INTS6: variants seen among roughly 807,000 people sequenced by gnomAD.
INTS6 encodes the protein DEAD box protein.
In INTS6, 16 loss-of-function variants were observed where a neutral mutation model predicts 104.9. The ratio of observed to expected loss-of-function variants is 0.15; its 90% CI spans 0.10 to 0.23. The LOEUF (loss-of-function observed/expected upper bound fraction) is 0.23, where lower values mean the gene tolerates loss of function less well. INTS6 is among the 10% of genes least tolerant of loss of function. INTS6 has a pLI of 1.00. For synonymous variants in INTS6, 324 were observed against 358.7 expected (o/e 0.90, Z 1.09); for missense variants, 584 against 1,062.8 (o/e 0.55, Z 6.26).
At chr13:51,342,212 C>T in the INTS6 span, among the ~76,000 whole-genome samples, 2 of 148,790 alleles carry the variant, frequency 1.3e-5, no homozygotes, top group African/African-American at 5.0e-5. Flanking sequence ...AGGCTATGAG[C>T]TCTGCGGCCT....
intron 5 of INTS6, 62 bp from the exon 6 acceptor site, chr13:51,389,506 A>G (rs1263888503): frequency 1.4e-6 from 2 of 1,437,614 alleles, no homozygotes; most frequent in East Asian, 5.1e-5. Flanking sequence ...TAGTTGCAAG[A>G]ATTCCTATCA....
intron 5 of INTS6, among the ~76,000 whole-genome samples, chr13:51,392,493 C>G (rs946825359): frequency 1.3e-5 from 2 of 149,900 alleles, no homozygotes; most frequent in Admixed American, 6.6e-5. Flanking sequence ...TCTATTCCTC[C>G]CTATGTAAGC....
At chr13:51,344,612 A>G in the INTS6 span, 2 of 723,988 alleles carry the variant, frequency 2.8e-6, no homozygotes, top group Non-Finnish European at 4.7e-6. Flanking sequence ...CTGTCCTCTT[A>G]GGAGATCCTA....
At chr13:51,388,161 GTAACAATTAAAATTTTTTT>G (rs761515788) in intron 6 of INTS6, among the ~76,000 whole-genome samples, 52 of 152,042 alleles carry the variant, frequency 3.4e-4, no homozygotes, top group Non-Finnish European at 6.0e-4. Context: ...TAAATACACT[GTAACAATTAAAATTTTTTT>G]AAGTTTGGTT....
intron 4 of INTS6, among the ~76,000 whole-genome samples, chr13:51,418,070 C>T (rs918954616): frequency 5.3e-5 from 8 of 152,118 alleles, no homozygotes; most frequent in Admixed American, 2.0e-4. Flanking sequence ...ACCTTGTAAA[C>T]AATAAAAGTT....
chr13:51,384,792 T>TCA (rs1956110605), intron 7 of INTS6: 1 of 433,086 alleles, frequency 2.3e-6, no homozygotes, highest in African/African-American at 2.0e-5. Context: ...CTGCCTTCTG[T>TCA]CAATACTAAA....
intron 17 of INTS6, 106 bp from the exon 18 acceptor site, chr13:51,365,951 G>A (rs1397768174): frequency 3.5e-6 from 2 of 578,700 alleles, no homozygotes; most frequent in Non-Finnish European, 6.0e-6. Context: ...ATTTTTCAAA[G>A]TGAAATGAAA....
intron 4 of INTS6, among the ~76,000 whole-genome samples, chr13:51,407,404 G>A (rs969876725): frequency 1.3e-5 from 2 of 152,192 alleles, no homozygotes; most frequent in Non-Finnish European, 2.9e-5. Context: ...CAAGTGGTAT[G>A]CTTTAAAATA....
At chr13:51,446,906 G>A (rs1185753978) in intron 3 of INTS6, 4 of 152,134 alleles carry the variant, frequency 2.6e-5, no homozygotes, top group African/African-American at 7.2e-5. Context: ...GGAGTTACTT[G>A]ATATAGAGTT....
At chr13:51,353,518 G>C (rs1050761406), downstream of INTS6, among the ~76,000 whole-genome samples, 4 of 152,168 alleles carry the variant, frequency 2.6e-5, no homozygotes, top group Non-Finnish European at 5.9e-5. Flanking sequence ...CTTGATCCAG[G>C]ATTCAAACTC....
intron 6 of INTS6, among the ~76,000 whole-genome samples, chr13:51,388,123 C>G (rs1473244228): frequency 3.3e-5 from 5 of 152,156 alleles, no homozygotes; most frequent in Non-Finnish European, 5.9e-5. Context: ...GTAACAAACT[C>G]TAAACAAAGC....
chr13:51,345,176 C>T, the INTS6 span, among the ~76,000 whole-genome samples: 5 of 152,288 alleles, frequency 3.3e-5, no homozygotes, highest in African/African-American at 1.2e-4. Flanking sequence ...CTATTACTCT[C>T]CCCATTCTAT....
chr13:51,423,194 A>G (rs767745715), intron 4 of INTS6: 15 of 413,094 alleles, frequency 3.6e-5, no homozygotes, highest in Non-Finnish European at 4.5e-5. Flanking sequence ...TGCTGAATTA[A>G]TTTAAAATAT....
intron 3 of INTS6, chr13:51,440,414 A>C (rs1468903281): frequency 6.6e-6 from 1 of 152,204 alleles, no homozygotes; most frequent in Non-Finnish European, 1.5e-5. Flanking sequence ...ACAGTAAGCT[A>C]AGGTTAATTT....
rs1955638220 is a variant in INTS6, at chr13:51,364,096, T to C, written c.*1656A>G. The C allele has an allele frequency of 4.8e-6, 2 of 412,992 alleles. No homozygotes were observed. Among genetic ancestry groups the C allele is most frequent in the Non-Finnish European group, 8.5e-6 (2 of 235,842 alleles). 25.6% of individuals were successfully genotyped at this position (412,992 alleles called of 1,614,324 possible). A position where few individuals can be genotyped will look rare whatever the true frequency, so the allele number is the denominator to read the frequency against. Reference sequence around the variant, plus strand: ...GTAACTCTCAATGAATTTAGCAATGTGACTACAGGCAATTACCTTAACAAT... The same window carrying C: ...GTAACTCTCAATGAATTTAGCAATGCGACTACAGGCAATTACCTTAACAAT... On this transcript the variant is annotated 3_prime_UTR_variant, in exon 18 of 18. Transcript: ENST00000311234.
intron 3 of INTS6, chr13:51,439,882 TC>T (rs1952761215): frequency 6.6e-6 from 1 of 152,184 alleles, no homozygotes; most frequent in South Asian, 2.1e-4. Context: ...AAAATTCCTA[TC>T]ACCTCCTGAC....
intron 4 of INTS6, among the ~76,000 whole-genome samples, chr13:51,399,803 A>T (rs1475920895): frequency 6.6e-6 from 1 of 152,016 alleles, no homozygotes; most frequent in African/African-American, 2.4e-5. Flanking sequence ...TCATACGCTT[A>T]TTGGCCATTT....
rs1035010578 is a variant in INTS6 at position 51,430,513 on chromosome 13, T to C, written c.340-130A>G. 17 of 569,730 alleles carry C rather than the reference T, an allele frequency of 3.0e-5. No homozygotes were observed. The African/African-American group carries it at 3.0e-4, about 10-fold the overall frequency. The allele number at this position is 569,730 out of a possible 1,614,324, so 35.3% of individuals were successfully genotyped here. A position where few individuals can be genotyped will look rare whatever the true frequency, so the allele number is the denominator to read the frequency against. ...CATTTTACATGTAGTATGTACCTGT[T>C]TGTACATTTTAAGAAAAGATATAGA... On this transcript the variant is annotated intron_variant, in intron 3 of 17. Coordinates refer to ENST00000311234, the MANE Select transcript of INTS6 (RefSeq NM_012141.3).
chr13:51,362,136 GATT>G lies in INTS6; in HGVS notation c.*3613_*3615del. ...TCTCAGCTCATATATAGTTAATGTA[GATT>G]TTTTTTTTTAATGCTATAGGTTTCT... is the stretch of plus-strand genomic sequence containing the variant. On this transcript the variant is annotated 3_prime_UTR_variant, in exon 18 of 18. Transcript: ENST00000311234. 6 of 1,237,306 alleles carry G rather than the reference GATT, an allele frequency of 4.8e-6. No individual in the cohort carries two copies. Among genetic ancestry groups the G allele is most frequent in the Non-Finnish European group, 6.3e-6 (6 of 950,828 alleles). The allele number at this position is 1,237,306 out of a possible 1,614,324, so 76.6% of individuals were successfully genotyped here. A position where few individuals can be genotyped will look rare whatever the true frequency, so the allele number is the denominator to read the frequency against.
Sources: gnomAD v4.1 joint callset for allele counts (sites outside exome capture counted in the v4.1 genomes callset) on GRCh38, gnomAD v4.1.1 for gene constraint, MANE v1.5 for transcripts, NCBI Gene and HGNC (gene_info 2026-07-23, HGNC 2026-07-21) for gene names.